The following ATXN2 variants were observed in gnomAD, a reference collection of about 807,000 sequenced individuals.
ATXN2 encodes the protein ataxin-2.
ATXN2 carries 37 observed loss-of-function variants against 138.6 expected under a neutral mutation model. The observed-to-expected ratio is 0.27, with a 90% confidence interval of 0.21 to 0.35. The LOEUF is 0.35. Among genes scored for constraint, ATXN2 ranks in the 10% least tolerant of loss-of-function variants. The pLI, the probability that ATXN2 is intolerant of heterozygous loss-of-function variation, is 1.00. For missense variants in ATXN2, 1,216 were observed against 1,480.3 expected (o/e 0.82, Z 2.93); for synonymous variants, 549 against 543.7 (o/e 1.01, Z -0.13).
At chr12:111,543,139 A>C (rs1881615572) in intron 5 of ATXN2, among the ~76,000 whole-genome samples, 1 of 152,122 alleles carries the variant, frequency 6.6e-6, no homozygotes, top group Non-Finnish European at 1.5e-5. Flanking sequence ...TACTGGCCTC[A>C]ATAAGTGCCA....
In ATXN2 at chr12:111,510,009, A is replaced by G; in HGVS notation, c.1757-11T>C. 1 of 1,562,092 alleles carries G rather than the reference A, an allele frequency of 6.4e-7. No homozygotes were observed. Among genetic ancestry groups the G allele is most frequent in the Non-Finnish European group, 8.7e-7 (1 of 1,148,746 alleles). ...GCCTGGAATCTTTAGCTAGAAAACA[A>G]TTTTTTAAAAAAAATTCAGATAAGT... On this transcript the variant is annotated splice_polypyrimidine_tract_variant and intron_variant, in intron 12 of 24. Transcript: ENST00000673436.
intron 5 of ATXN2, among the ~76,000 whole-genome samples, chr12:111,547,836 A>ATTTTTTTTTTTTTTTTT (rs34988312): frequency 1.0e-5 from 1 of 100,224 alleles, no homozygotes; most frequent in Non-Finnish European, 1.9e-5. Context: ...TTGCTTGAGA[A>ATTTTTTTTTTTTTTTTT]TTTTTTTTTT....
intron 5 of ATXN2, among the ~76,000 whole-genome samples, chr12:111,527,625 C>T (rs536723721): frequency 6.6e-6 from 1 of 152,318 alleles, no homozygotes; most frequent in Admixed American, 6.5e-5. Context: ...ACCAGCAGCA[C>T]TACTCCCATT....
At position 111,533,441 on chromosome 12, in the gene ATXN2, C is replaced by T. The variant is rs538163794; in HGVS notation, c.572-8125G>A. 1.7e-4 allele frequency among the ~76,000 whole-genome samples: 26 copies of T among 152,156 alleles called. 1 individual carries two copies. Among genetic ancestry groups the T allele is most frequent in the African/African-American group, 5.8e-4 (24 of 41,520 alleles). ...AAATGCTACGGAAATAGTTGTGGTA[C>T]TGCTTAAGGAATAATGACAAGAAAA... On this transcript the variant is annotated intron_variant, in intron 5 of 24. Coordinates refer to ENST00000673436, the MANE Select transcript of ATXN2 (RefSeq NM_001372574.1).
At chr12:111,474,291 C>T (rs907312548) in intron 18 of ATXN2, among the ~76,000 whole-genome samples, 1 of 151,948 alleles carries the variant, frequency 6.6e-6, no homozygotes, top group African/African-American at 2.4e-5. Flanking sequence ...TCCTAAAGTG[C>T]TGGCCTGTAA....
chr12:111,489,094 C>G (rs1186370541), intron 14 of ATXN2, among the ~76,000 whole-genome samples: 6 of 152,116 alleles, frequency 3.9e-5, no homozygotes, highest in African/African-American at 1.4e-4. Context: ...TTATACTTGT[C>G]ATTTAAATAA....
At chr12:111,519,497 T>G (rs1366781115) in intron 8 of ATXN2, among the ~76,000 whole-genome samples, 1 of 152,222 alleles carries the variant, frequency 6.6e-6, no homozygotes, top group African/African-American at 2.4e-5. Context: ...TCAATGAGGT[T>G]TTCTCTGACT....
At chr12:111,481,806 T>C (rs1877260117) in intron 18 of ATXN2, among the ~76,000 whole-genome samples, 1 of 151,820 alleles carries the variant, frequency 6.6e-6, no homozygotes, top group Non-Finnish European at 1.5e-5. Context: ...GGATTATAGG[T>C]GCACGCTACC....
chr12:111,536,307 G>A (rs1592874434), intron 5 of ATXN2, among the ~76,000 whole-genome samples: 1 of 152,116 alleles, frequency 6.6e-6, no homozygotes, highest in Middle Eastern at 3.4e-3. Flanking sequence ...TAAATCTTTT[G>A]GTACACACGT....
At position 111,552,883 on chromosome 12, in the gene ATXN2, A is replaced by T; in HGVS notation, c.420+23T>A. ...GAAAATGTTCTTTTACTTTGTAAGA[A>T]AAAGAAAAAAAGTAAAAATTACCTT... On this transcript the variant is annotated intron_variant, in intron 4 of 24. Coordinates refer to ENST00000673436, the MANE Select transcript of ATXN2 (RefSeq NM_001372574.1). The surrounding 1 kb of genome is among the most constrained non-coding windows in gnomAD (Gnocchi z 4.1). 1 of 1,480,198 alleles carries T rather than the reference A, an allele frequency of 6.8e-7. No homozygotes were observed. The highest frequency in any genetic ancestry group is 9.1e-7 in the Non-Finnish European group (1 of 1,095,078). 91.7% of individuals were successfully genotyped at this position (1,480,198 alleles called of 1,614,324 possible). A position where few individuals can be genotyped will look rare whatever the true frequency, so the allele number is the denominator to read the frequency against.
intron 1 of ATXN2, among the ~76,000 whole-genome samples, chr12:111,593,192 CA>C (rs978026684): frequency 3.6e-4 from 54 of 152,062 alleles, no homozygotes; most frequent in African/African-American, 1.3e-3. Flanking sequence ...CCTCCGGGAT[CA>C]AGCAATTCTC....
chr12:111,599,620 G>C, upstream of ATXN2: 1 of 1,077,534 alleles, frequency 9.3e-7, no homozygotes, highest in Non-Finnish European at 1.1e-6. Flanking sequence ...AGGTGGCCCC[G>C]GGGCCGGGAG....
upstream of ATXN2, chr12:111,599,624 C>A: frequency 1.9e-6 from 2 of 1,078,152 alleles, no homozygotes; most frequent in South Asian, 4.5e-5. Flanking sequence ...GGCCCCGGGG[C>A]CGGGAGGGAC....
At chr12:111,525,453 C>A in intron 5 of ATXN2, 137 bp from the exon 6 acceptor site, 1 of 1,035,740 alleles carries the variant, frequency 9.7e-7, no homozygotes. Context: ...AACTTAAAAT[C>A]TAACAGAAAC....
At chr12:111,474,921 T>TA (rs1211884913) in intron 18 of ATXN2, among the ~76,000 whole-genome samples, 3 of 149,018 alleles carry the variant, frequency 2.0e-5, no homozygotes, top group African/African-American at 7.5e-5. Flanking sequence ...CCATCTCTAT[T>TA]AAAAATACAA....
chr12:111,546,236 C>T (rs1341550445), intron 5 of ATXN2, among the ~76,000 whole-genome samples: 1 of 152,190 alleles, frequency 6.6e-6, no homozygotes, highest in African/African-American at 2.4e-5. Context: ...TCTGTTACTT[C>T]ACCAAAGCCA....
intron 20 of ATXN2, 117 bp downstream of exon 20, chr12:111,469,991 G>GA: frequency 8.1e-7 from 1 of 1,233,564 alleles, no homozygotes; most frequent in Non-Finnish European, 1.1e-6. Flanking sequence ...TTTTCCTTCA[G>GA]ATTCTTGACC....
intron 1 of ATXN2, among the ~76,000 whole-genome samples, chr12:111,570,372 A>T (rs773927795): frequency 6.6e-6 from 1 of 152,252 alleles, no homozygotes; most frequent in Non-Finnish European, 1.5e-5. Flanking sequence ...TGACAGGTAC[A>T]TAAGATTCAT....
chr12:111,556,395 C>G (rs1349734345), intron 1 of ATXN2, among the ~76,000 whole-genome samples: 1 of 151,842 alleles, frequency 6.6e-6, no homozygotes, highest in African/African-American at 2.4e-5. Flanking sequence ...ATCTTTACTC[C>G]CAAAGTAACC....
Sources: allele counts gnomAD v4.1 joint callset (sites outside exome capture counted in the v4.1 genomes callset), GRCh38; gene constraint gnomAD v4.1.1; non-coding constraint Gnocchi (gnomAD v3.1); transcripts MANE v1.5; gene names NCBI Gene and HGNC (gene_info 2026-07-23, HGNC 2026-07-21).